Variants in CDH18 observed in about 807,000 individuals in gnomAD.
CDH18 encodes cadherin-18.
Under a neutral mutation model 67.9 loss-of-function variants are expected in CDH18, and 31 were observed. The ratio of observed to expected loss-of-function variants is 0.46; its 90% confidence interval spans 0.34 to 0.62. The LOEUF is 0.62. Ranked by LOEUF, CDH18 falls within the 20% of genes least tolerant of loss-of-function variation. CDH18 has a pLI of 0.01. For missense variants in CDH18, 890 were observed against 975.5 expected (o/e 0.91, Z 1.17); for synonymous variants, 362 against 347.2 (o/e 1.04, Z -0.48).
At chr5:20,388,255 G>C (rs1373901115) in intron 1 of CDH18, among the ~76,000 whole-genome samples, 2 of 152,084 alleles carry the variant, frequency 1.3e-5, no homozygotes, top group Non-Finnish European at 2.9e-5. Context: ...ACCTGTTATT[G>C]GTCTATTCAG....
At chr5:20,395,920 T>G (rs1745240189) in intron 1 of CDH18, among the ~76,000 whole-genome samples, 1 of 152,132 alleles carries the variant, frequency 6.6e-6, no homozygotes, top group South Asian at 2.1e-4. Context: ...GTGGCAAGCT[T>G]AGAGAGGGCA....
At chr5:19,975,511 T>C (rs59340896) in intron 2 of CDH18, among the ~76,000 whole-genome samples, 4,463 of 152,226 alleles carry the variant, frequency 0.029, 244 homozygotes, top group East Asian at 0.22. Context: ...AGGTTGAGCA[T>C]TTAGAGCAGA....
At chr5:19,742,864 T>C (rs73761821) in intron 4 of CDH18, among the ~76,000 whole-genome samples, 7 of 152,304 alleles carry the variant, frequency 4.6e-5, no homozygotes, top group African/African-American at 1.7e-4. Context: ...GCCCCATACG[T>C]TGATAAAAAT....
chr5:19,593,276 C>T (rs2150034170), intron 6 of CDH18, among the ~76,000 whole-genome samples: 1 of 152,242 alleles, frequency 6.6e-6, no homozygotes. Flanking sequence ...GTTCACATTT[C>T]TACCAACAGT....
At chr5:20,261,266 C>T (rs1490986584) in intron 1 of CDH18, among the ~76,000 whole-genome samples, 1 of 151,834 alleles carries the variant, frequency 6.6e-6, no homozygotes, top group Admixed American at 6.6e-5. Flanking sequence ...TTGTACTTAA[C>T]AAAAACCTGG....
At chr5:20,086,115 A>G (rs1212012724) in intron 2 of CDH18, among the ~76,000 whole-genome samples, 1 of 152,240 alleles carries the variant, frequency 6.6e-6, no homozygotes, top group East Asian at 1.9e-4. Context: ...ATGATAAGAA[A>G]GTGAACCAGC....
At chr5:19,782,614 G>T (rs1235319259) in intron 3 of CDH18, among the ~76,000 whole-genome samples, 3 of 152,162 alleles carry the variant, frequency 2.0e-5, no homozygotes, top group Non-Finnish European at 4.4e-5. Flanking sequence ...GTGATTAGGA[G>T]CCTAATTTTG....
chr5:19,875,419 G>GATAGATAGATAGATCGATCCATCT, intron 2 of CDH18, among the ~76,000 whole-genome samples: 1 of 95,396 alleles, frequency 1.0e-5, no homozygotes, highest in South Asian at 3.8e-4. Flanking sequence ...TAGATAGATA[G>GATAGATAGATAGATCGATCCATCT]ATAGATAGAT....
chr5:20,113,238 G>A (rs751098050), intron 2 of CDH18, among the ~76,000 whole-genome samples: 1 of 152,082 alleles, frequency 6.6e-6, no homozygotes, highest in Non-Finnish European at 1.5e-5. Context: ...GTTTTTCAGT[G>A]GTGGGATGCC....
intron 2 of CDH18, among the ~76,000 whole-genome samples, chr5:20,227,132 T>C (rs1741697210): frequency 2.0e-5 from 3 of 152,120 alleles, no homozygotes; most frequent in Admixed American, 2.0e-4. Flanking sequence ...CATACTCATG[T>C]TATTTTTCCC....
At chr5:19,844,600 C>A (rs1782718537) in intron 2 of CDH18, among the ~76,000 whole-genome samples, 1 of 152,094 alleles carries the variant, frequency 6.6e-6, no homozygotes, top group Non-Finnish European at 1.5e-5. Context: ...TACTTTCTTT[C>A]TATATCCTTT....
intron 2 of CDH18, among the ~76,000 whole-genome samples, chr5:19,931,144 G>T (rs1258959284): frequency 6.6e-6 from 1 of 151,874 alleles, no homozygotes; most frequent in Non-Finnish European, 1.5e-5. Context: ...TCACATTTAA[G>T]AATTATTTAA....
intron 7 of CDH18, among the ~76,000 whole-genome samples, chr5:19,586,926 T>C (rs1013137512): frequency 6.6e-6 from 1 of 152,212 alleles, no homozygotes; most frequent in Non-Finnish European, 1.5e-5. Flanking sequence ...GGTATCACAT[T>C]GTGGTTTAGA....
At chr5:19,855,074 T>G (rs1470951637) in intron 2 of CDH18, among the ~76,000 whole-genome samples, 1 of 152,000 alleles carries the variant, frequency 6.6e-6, no homozygotes, top group Non-Finnish European at 1.5e-5. Context: ...TGACAAGATT[T>G]CATTCTTTTT....
chr5:20,560,468 T>TACACATAC (rs1554019494), intron 1 of CDH18, among the ~76,000 whole-genome samples: 66 of 127,698 alleles, frequency 5.2e-4, no homozygotes, highest in African/African-American at 1.7e-3. Flanking sequence ...CCAACACTCA[T>TACACATAC]ACACACACAC....
chr5:19,833,732 G>A (rs574657635), intron 3 of CDH18, among the ~76,000 whole-genome samples: 16 of 152,014 alleles, frequency 1.1e-4, no homozygotes, highest in Non-Finnish European at 1.5e-4. Context: ...TAACATGAAC[G>A]GATGTTAAAT....
At chr5:20,329,372 CAT>C (rs1481034162) in intron 1 of CDH18, among the ~76,000 whole-genome samples, 1 of 152,060 alleles carries the variant, frequency 6.6e-6, no homozygotes, top group African/African-American at 2.4e-5. Flanking sequence ...TCAAACTAGA[CAT>C]GGCCAAATAT....
chr5:20,067,278 C>T (rs1743062548), intron 2 of CDH18, among the ~76,000 whole-genome samples: 1 of 151,070 alleles, frequency 6.6e-6, no homozygotes, highest in African/African-American at 2.4e-5. Flanking sequence ...TTTTTTAGTT[C>T]ATTAAAGAAA....
At chr5:20,283,011 C>G (rs1235183504) in intron 1 of CDH18, among the ~76,000 whole-genome samples, 1 of 152,120 alleles carries the variant, frequency 6.6e-6, no homozygotes, top group Non-Finnish European at 1.5e-5. Flanking sequence ...AGAACATACA[C>G]TGGGTAAGGG....
Sources: gnomAD v4.1 joint callset for allele counts (sites outside exome capture counted in the v4.1 genomes callset) on GRCh38, gnomAD v4.1.1 for gene constraint, MANE v1.5 for transcripts, NCBI Gene and HGNC (gene_info 2026-07-23, HGNC 2026-07-21) for gene names.